The following ST7 variants were observed in gnomAD, a reference collection of about 807,000 sequenced individuals.
The protein encoded by ST7 is suppression of tumorigenicity 7.
In ST7, 28 loss-of-function variants were observed where a neutral mutation model predicts 78.7. That is an observed-to-expected ratio of 0.36 (90% CI 0.26 to 0.49). The LOEUF (loss-of-function observed/expected upper bound fraction) is 0.49, where lower values mean the gene tolerates loss of function less well. ST7 is among the 20% of genes least tolerant of loss of function. The pLI is 0.99. For missense variants in ST7, 418 were observed against 696.0 expected, an observed-to-expected ratio of 0.60 and a Z score of 4.49; for synonymous variants, 247 against 249.6, an observed-to-expected ratio of 0.99 and a Z score of 0.10.
intron 2 of ST7, among the ~76,000 whole-genome samples, chr7:117,114,415 A>C (rs3824032): frequency 6.6e-6 from 1 of 152,130 alleles, no homozygotes; most frequent in East Asian, 1.9e-4. Context: ...AAAAAAAAAA[A>C]AACTGTTTAC....
At chr7:117,179,181 T>C (rs1406874601) in intron 10 of ST7, among the ~76,000 whole-genome samples, 2 of 152,340 alleles carry the variant, frequency 1.3e-5, no homozygotes, top group Admixed American at 1.3e-4. Context: ...GATTCCCTAT[T>C]AGAACGTACA....
intron 6 of ST7, among the ~76,000 whole-genome samples, chr7:117,132,986 T>C (rs1047839513): frequency 6.6e-6 from 1 of 151,960 alleles, no homozygotes; most frequent in Non-Finnish European, 1.5e-5. Flanking sequence ...TTTCTCCATT[T>C]GGATCTTAAG....
chr7:117,096,537 C>T (rs929293505), intron 1 of ST7, among the ~76,000 whole-genome samples: 6 of 152,158 alleles, frequency 3.9e-5, no homozygotes, highest in Admixed American at 3.3e-4. Flanking sequence ...GTAATATTCC[C>T]GTGTGTCCCC....
chr7:117,108,804 C>T (rs929260501), intron 2 of ST7, among the ~76,000 whole-genome samples: 1 of 152,140 alleles, frequency 6.6e-6, no homozygotes, highest in African/African-American at 2.4e-5. Context: ...AGAGGTTTTT[C>T]ACCTCCTTGG....
At chr7:117,158,263 G>A (rs1806859563) in intron 9 of ST7, among the ~76,000 whole-genome samples, 1 of 152,200 alleles carries the variant, frequency 6.6e-6, no homozygotes, top group Admixed American at 6.5e-5. Flanking sequence ...GAAACAAACG[G>A]AAAAGGAAGT....
intron 1 of ST7, among the ~76,000 whole-genome samples, chr7:116,988,985 G>A (rs1794304824): frequency 6.6e-6 from 1 of 152,178 alleles, no homozygotes; most frequent in African/African-American, 2.4e-5. Context: ...GCGAATGTAT[G>A]ATCTAGCATA....
intron 1 of ST7, among the ~76,000 whole-genome samples, chr7:116,962,833 CA>C (rs1792901035): frequency 6.6e-6 from 1 of 152,130 alleles, no homozygotes; most frequent in Non-Finnish European, 1.5e-5. Context: ...CGTCTGCAAA[CA>C]GGGGTAGTTG....
chr7:116,962,716 T>A (rs775907938), intron 1 of ST7, among the ~76,000 whole-genome samples: 8 of 152,212 alleles, frequency 5.3e-5, no homozygotes, highest in Admixed American at 3.3e-4. Context: ...TTGCAAACAT[T>A]TTCTCCCATT....
rs1017237803 is a variant in ST7, at chr7:117,115,068, C to T, written c.235-4493C>T. On this transcript the variant is annotated intron_variant, in intron 2 of 15. Transcript: ENST00000323984. Reference sequence around the variant, plus strand: ...TCTTTGTTTTAAATACGATCTGGGCCCTGAGTATAGCTTCTGGCCCTTCTG... The same window carrying T: ...TCTTTGTTTTAAATACGATCTGGGCTCTGAGTATAGCTTCTGGCCCTTCTG... Among the ~76,000 whole-genome samples the T allele has an allele frequency of 2.6e-5, 4 of 152,060 alleles. No individual in the cohort carries two copies. The East Asian group carries it at 5.8e-4, about 22-fold the overall frequency.
intron 1 of ST7, chr7:116,972,886 G>T: frequency 7.6e-7 from 1 of 1,315,684 alleles, no homozygotes; most frequent in South Asian, 1.2e-5. Flanking sequence ...GCCCTTAACC[G>T]CCTCGATGGT....
At chr7:117,078,904 C>T (rs10266895) in intron 1 of ST7, among the ~76,000 whole-genome samples, 12,626 of 152,118 alleles carry the variant, frequency 0.083, 908 homozygotes, top group African/African-American at 0.18. Context: ...GCATTCTGCT[C>T]ATATTAAGTC....
intron 3 of ST7, among the ~76,000 whole-genome samples, chr7:117,122,763 C>G (rs576627824): frequency 6.6e-6 from 1 of 152,264 alleles, no homozygotes; most frequent in South Asian, 2.1e-4. Flanking sequence ...AACATGTATG[C>G]TAGTTTGGAA....
At chr7:116,973,222 A>G (rs1486877742) in intron 1 of ST7, among the ~76,000 whole-genome samples, 3 of 151,634 alleles carry the variant, frequency 2.0e-5, no homozygotes, top group African/African-American at 7.3e-5. Context: ...TTCTAGGCTC[A>G]TCTTGTGTAT....
chr7:117,067,133 CCTT>C (rs1209654127), intron 1 of ST7, among the ~76,000 whole-genome samples: 1 of 151,794 alleles, frequency 6.6e-6, no homozygotes, highest in Non-Finnish European at 1.5e-5. Context: ...TTTATTTATC[CCTT>C]CTTCACTTGG....
At chr7:117,163,121 T>C (rs1203126973) in intron 9 of ST7, among the ~76,000 whole-genome samples, 1 of 152,216 alleles carries the variant, frequency 6.6e-6, no homozygotes. Context: ...TTCTTTTTTA[T>C]GGCTGGATGA....
intron 10 of ST7, among the ~76,000 whole-genome samples, chr7:117,187,960 C>T (rs573285795): frequency 6.6e-6 from 1 of 152,024 alleles, no homozygotes; most frequent in Non-Finnish European, 1.5e-5. Context: ...GCATTTTTTT[C>T]TTCTTAATTG....
At chr7:117,124,957 A>G (rs556870466) in intron 3 of ST7, among the ~76,000 whole-genome samples, 3 of 152,210 alleles carry the variant, frequency 2.0e-5, no homozygotes, top group Admixed American at 2.0e-4. Context: ...TATCCAGGCC[A>G]TTCAGTGCTT....
At chr7:117,107,416 A>T (rs1802063616) in intron 2 of ST7, among the ~76,000 whole-genome samples, 1 of 151,986 alleles carries the variant, frequency 6.6e-6, no homozygotes, top group Non-Finnish European at 1.5e-5. Context: ...CACCACATCC[A>T]TACCCATATC....
chr7:117,075,275 T>TTTGAAATATAATTGAATATAATTTGAAA (rs1799260089), intron 1 of ST7, among the ~76,000 whole-genome samples: 1 of 152,250 alleles, frequency 6.6e-6, no homozygotes, highest in Non-Finnish European at 1.5e-5. Flanking sequence ...TTATTTTTTC[T>TTTGAAATATAATTGAATATAATTTGAAA]TATTTTGAAT....
Sources: allele counts gnomAD v4.1 joint callset (sites outside exome capture counted in the v4.1 genomes callset), GRCh38; gene constraint gnomAD v4.1.1; transcripts MANE v1.5; gene names NCBI Gene and HGNC (gene_info 2026-07-23, HGNC 2026-07-21).